INTS7: variants seen among roughly 807,000 people sequenced by gnomAD.
INTS7 encodes chromosome 1 open reading frame 73.
INTS7 carries 46 observed loss-of-function variants against 109.2 expected under a neutral mutation model. That is an observed-to-expected ratio of 0.42 (90% CI 0.33 to 0.54). The LOEUF is 0.54. Ranked by LOEUF, INTS7 falls within the 20% of genes least tolerant of loss-of-function variation. The pLI, the probability that INTS7 is intolerant of heterozygous loss-of-function variation, is 0.07. For synonymous variants in INTS7, 412 were observed against 402.9 expected (o/e 1.02, Z -0.27); for missense variants, 929 against 1,132.4 (o/e 0.82, Z 2.58).
At chr1:211,957,100 C>G (rs560926412) in intron 16 of INTS7, among the ~76,000 whole-genome samples, 15 of 152,298 alleles carry the variant, frequency 9.8e-5, no homozygotes, top group African/African-American at 3.4e-4. Flanking sequence ...CACTGAAGGT[C>G]TTTTTAATCT....
At chr1:212,014,935 C>CA (rs2102481073) in intron 4 of INTS7, among the ~76,000 whole-genome samples, 1 of 152,354 alleles carries the variant, frequency 6.6e-6, no homozygotes, top group African/African-American at 2.4e-5. Context: ...TCCCAAAGTG[C>CA]AGCCTGTGCC....
chr1:212,009,836 C>A (rs891602077), intron 5 of INTS7, among the ~76,000 whole-genome samples: 1 of 152,138 alleles, frequency 6.6e-6, no homozygotes, highest in Non-Finnish European at 1.5e-5. Flanking sequence ...CAGGAAAGCC[C>A]TTTTGCTAAT....
At chr1:211,943,732 C>T (rs935767687) in intron 19 of INTS7, among the ~76,000 whole-genome samples, 1 of 152,130 alleles carries the variant, frequency 6.6e-6, no homozygotes, top group Non-Finnish European at 1.5e-5. Context: ...CTTCCCTTGG[C>T]TTTTTAACCT....
In INTS7 at chr1:211,982,697, T is replaced by G; in HGVS notation, c.1111A>C (p.Thr371Pro). The change falls in exon 9 of 20, where the codon ACT becomes CCT. Residue 371 changes from threonine (T) to proline (P), a missense_variant. Coordinates refer to ENST00000366994, the MANE Select transcript of INTS7 (RefSeq NM_015434.4). The part of the protein sequence containing the change: ...AHGVRVLTNI[T>P]VSCQEKDLLA... The stretch of plus-strand genomic sequence containing the variant: ...TTACCCTTTTCTTGACAAGAAACAG[T>G]TATATTAGTTAGGACTCTAACTCCA... 1 of 1,607,892 alleles carries G rather than the reference T, an allele frequency of 6.2e-7. No individual in the cohort carries two copies. Among genetic ancestry groups the G allele is most frequent in the South Asian group, 1.1e-5 (1 of 89,838 alleles).
At chr1:212,011,458 C>T (rs1451803346) in intron 4 of INTS7, 37 bp from the exon 5 acceptor site, 1 of 1,324,904 alleles carries the variant, frequency 7.5e-7, no homozygotes, top group Non-Finnish European at 1.1e-6. Context: ...AAAAAACTTA[C>T]ATTTGCTTAT....
chr1:211,977,037 C>T (rs994169245), intron 11 of INTS7, among the ~76,000 whole-genome samples: 17 of 151,778 alleles, frequency 1.1e-4, no homozygotes, highest in Non-Finnish European at 1.5e-4. Flanking sequence ...AAGCAAAATA[C>T]GCAAAAATAT....
At chr1:212,027,534 TTAAC>T (rs1222350136) in intron 1 of INTS7, among the ~76,000 whole-genome samples, 1 of 152,228 alleles carries the variant, frequency 6.6e-6, no homozygotes, top group African/African-American at 2.4e-5. Context: ...TAAACAGTGC[TTAAC>T]TCAGTTGCAA....
intron 11 of INTS7, among the ~76,000 whole-genome samples, chr1:211,977,775 A>C (rs1235376994): frequency 2.0e-5 from 3 of 152,190 alleles, no homozygotes; most frequent in Non-Finnish European, 2.9e-5. Context: ...CCCAACCTCA[A>C]GGGTCTACAG....
chr1:212,004,544 G>C (rs1665820056), intron 7 of INTS7, among the ~76,000 whole-genome samples: 1 of 152,150 alleles, frequency 6.6e-6, no homozygotes, highest in South Asian at 2.1e-4. Context: ...TAAGTGGAAA[G>C]ATATAACATG....
chr1:211,957,887 G>A (rs1261691985), intron 16 of INTS7, among the ~76,000 whole-genome samples: 2 of 151,610 alleles, frequency 1.3e-5, no homozygotes, highest in Non-Finnish European at 1.5e-5. Context: ...CTTGGTGGCT[G>A]CTCTAGAGTT....
intron 11 of INTS7, among the ~76,000 whole-genome samples, chr1:211,977,019 T>C (rs906457966): frequency 6.6e-5 from 10 of 152,068 alleles, no homozygotes; most frequent in East Asian, 5.8e-4. Flanking sequence ...CTTACCAACA[T>C]AGATGACAAG....
chr1:211,997,654 A>AG (rs1441495107), intron 7 of INTS7, among the ~76,000 whole-genome samples: 1 of 151,838 alleles, frequency 6.6e-6, no homozygotes, highest in Non-Finnish European at 1.5e-5. Context: ...TGAGACGGGC[A>AG]GATCACTTGA....
intron 13 of INTS7, among the ~76,000 whole-genome samples, chr1:211,971,549 C>T (rs990799695): frequency 1.3e-5 from 2 of 152,176 alleles, no homozygotes; most frequent in African/African-American, 4.8e-5. Flanking sequence ...AATATGACTC[C>T]TTTTTACATA....
At chr1:212,016,814 G>T in intron 4 of INTS7, 72 bp downstream of exon 4, 1 of 1,178,970 alleles carries the variant, frequency 8.5e-7, no homozygotes, top group Non-Finnish European at 1.2e-6. Flanking sequence ...TATATAAGTT[G>T]ATCAGTTTTT....
At chr1:212,003,167 T>C (rs1665752915) in intron 7 of INTS7, among the ~76,000 whole-genome samples, 1 of 151,996 alleles carries the variant, frequency 6.6e-6, no homozygotes, top group Non-Finnish European at 1.5e-5. Context: ...CAAGTAACAA[T>C]TTCCCAGAAT....
At chr1:212,004,139 G>A (rs1665798683) in intron 7 of INTS7, among the ~76,000 whole-genome samples, 1 of 152,168 alleles carries the variant, frequency 6.6e-6, no homozygotes, top group Non-Finnish European at 1.5e-5. Context: ...GAGGTCAAGA[G>A]TTCAGGACCA....
intron 4 of INTS7, among the ~76,000 whole-genome samples, chr1:212,015,831 A>G (rs973420545): frequency 6.6e-6 from 1 of 151,500 alleles, no homozygotes; most frequent in African/African-American, 2.4e-5. Flanking sequence ...ATATAGAGAA[A>G]TTTATAAAAA....
At chr1:211,970,069 G>A (rs1473985118) in intron 13 of INTS7, among the ~76,000 whole-genome samples, 3 of 152,050 alleles carry the variant, frequency 2.0e-5, no homozygotes, top group Admixed American at 6.6e-5. Context: ...TGTTGCTCAG[G>A]CTGGCCTCAA....
chr1:212,004,065 C>G (rs1250070035), intron 7 of INTS7, among the ~76,000 whole-genome samples: 1 of 152,208 alleles, frequency 6.6e-6, no homozygotes, highest in Non-Finnish European at 1.5e-5. Context: ...TCCAATTAGT[C>G]CAGGCACGGT....
Sources: allele counts gnomAD v4.1 joint callset (sites outside exome capture counted in the v4.1 genomes callset), GRCh38; gene constraint gnomAD v4.1.1; transcripts MANE v1.5; gene names NCBI Gene and HGNC (gene_info 2026-07-23, HGNC 2026-07-21).